MIDEAS: variants seen among roughly 807,000 people sequenced by gnomAD.
The protein encoded by MIDEAS is mitotic deacetylase associated SANT domain protein, also known as mitotic deacetylase-associated SANT domain protein.
Under a neutral mutation model 102.7 loss-of-function variants are expected in MIDEAS, and 26 were observed. The ratio of observed to expected loss-of-function variants is 0.25; its 90% CI spans 0.19 to 0.35. The LOEUF is 0.35. MIDEAS is among the 10% of genes least tolerant of loss of function. MIDEAS has a pLI of 1.00. For synonymous variants in MIDEAS, 585 were observed against 591.0 expected (o/e 0.99, Z 0.15); for missense variants, 1,231 against 1,435.6 (o/e 0.86, Z 2.30).
intron 1 of MIDEAS, among the ~76,000 whole-genome samples, chr14:73,756,280 G>GTT: frequency 1.1e-5 from 1 of 90,948 alleles, no homozygotes; most frequent in African/African-American, 4.4e-5. Context: ...GTGTGTGTGT[G>GTT]TGTGTGTGTG....
chr14:73,739,419 G>A lies in MIDEAS; in HGVS notation c.590C>T (p.Pro197Leu), dbSNP rs2053252844. ...CTTGGCTGCGTGGAAAGAATTCAGG[G>A]GTGCCTGGGGCCGCCCTACCTCCAG... ...VQLEVGRPQAPLNSFHAAKKP... is the reference protein window; with the variant it reads ...VQLEVGRPQALLNSFHAAKKP... Residue 197 changes from proline to leucine, a missense_variant, in exon 2 of 13, where the codon CCC becomes CTC. Transcript: ENST00000423556. 1 of 1,582,534 alleles carries A rather than the reference G, an allele frequency of 6.3e-7. No homozygotes were observed. Among genetic ancestry groups the A allele is most frequent in the Non-Finnish European group, 8.6e-7 (1 of 1,162,964 alleles).
rs561089661 is a variant in MIDEAS at position 73,781,851 on chromosome 14, G to T, written c.-248+5251C>A. Among the ~76,000 whole-genome samples, 4 of 152,062 alleles carry T rather than the reference G, an allele frequency of 2.6e-5. No individual in the cohort carries two copies. In the East Asian group the frequency reaches 7.7e-4, roughly 29 times the overall value. ...GCGGGTGGATCACCCGAAGTCAAGG[G>T]TTCAAGACCAGCCTGGCCAACATGG... is the stretch of plus-strand genomic sequence containing the variant. On this transcript the variant is annotated intron_variant, in intron 1 of 11. Transcript: ENST00000394071.
At chr14:73,743,542 C>A (rs1262087230) in intron 1 of MIDEAS, among the ~76,000 whole-genome samples, 2 of 152,144 alleles carry the variant, frequency 1.3e-5, no homozygotes, top group Non-Finnish European at 2.9e-5. Context: ...TTCTCCCAGC[C>A]TGCAACTCGG....
In MIDEAS at chr14:73,760,093, G is replaced by C. The variant is rs2053539836; in HGVS notation, c.-578C>G. On this transcript the variant is annotated 5_prime_UTR_variant, in exon 1 of 13. Coordinates refer to ENST00000423556, the MANE Select transcript of MIDEAS (RefSeq NM_001367710.1). The surrounding 1 kb of genome is among the most constrained non-coding windows in gnomAD (Gnocchi z 4.8). The stretch of plus-strand genomic sequence containing the variant: ...GTCACCCCCAGTCCTGCGATGCAGT[G>C]TCAGGATTGCACGGCTCTGACTCAT... The C allele has an allele frequency of 6.6e-6, 1 of 151,710 alleles. No homozygotes were observed. The highest frequency in any genetic ancestry group is 2.4e-5 in the African/African-American group (1 of 41,244). 9.4% of individuals were successfully genotyped at this position (151,710 alleles called of 1,614,324 possible). A position where few individuals can be genotyped will look rare whatever the true frequency, so the allele number is the denominator to read the frequency against.
At chr14:73,756,295 T>TGTGTGTGTGTGTGTGTGCGC (rs55692592) in intron 1 of MIDEAS, among the ~76,000 whole-genome samples, 123 of 127,706 alleles carry the variant, frequency 9.6e-4, no homozygotes, top group African/African-American at 3.0e-3. Context: ...TGTGTGTGTG[T>TGTGTGTGTGTGTGTGTGCGC]GCGCGCGCGC....
In MIDEAS at chr14:73,716,635, A is replaced by G. The variant is rs1409371743; in HGVS notation, c.*2208T>C. 1.4e-5 allele frequency: 2 copies of G among 146,704 alleles called. No individual in the cohort carries two copies. Among genetic ancestry groups the G allele is most frequent in the Admixed American group, 1.4e-4 (2 of 13,948 alleles). 9.1% of individuals were successfully genotyped at this position (146,704 alleles called of 1,614,324 possible). A position where few individuals can be genotyped will look rare whatever the true frequency, so the allele number is the denominator to read the frequency against. ...GAGGCGGAGGTTGCAGTGAGCCAAG[A>G]TCACACCACTGCACTCCAGCCTGGG... On this transcript the variant is annotated 3_prime_UTR_variant, in exon 13 of 13. Coordinates refer to ENST00000423556, the MANE Select transcript of MIDEAS (RefSeq NM_001367710.1).
Position 73,717,351 on chromosome 14 carries a change from CCTTTCA to C in MIDEAS, c.*1486_*1491del, listed in dbSNP as rs2052907354. On this transcript the variant is annotated 3_prime_UTR_variant, in exon 13 of 13. Coordinates refer to ENST00000423556, the MANE Select transcript of MIDEAS (RefSeq NM_001367710.1). ...GAAGGGGCCTCCAGAACCTCCTGGC[CCTTTCA>C]CTTCACCCATGCCAAATATGGCTTC... 6.6e-6 allele frequency: 1 copy of C among 152,200 alleles called. No homozygotes were observed. Among genetic ancestry groups the C allele is most frequent in the South Asian group, 2.1e-4 (1 of 4,828 alleles). The allele number at this position is 152,200 out of a possible 1,614,324, so 9.4% of individuals were successfully genotyped here.
chr14:73,730,173 A>G (rs1179184575), intron 3 of MIDEAS, 188 bp from the exon 4 acceptor site: 1 of 725,492 alleles, frequency 1.4e-6, no homozygotes, highest in Non-Finnish European at 2.5e-6. Flanking sequence ...AAGTCAGCAA[A>G]CTTTTTCTGT....
rs1210822410 is a variant in MIDEAS at position 73,759,003 on chromosome 14, C to G, written c.-248+760G>C. Among the ~76,000 whole-genome samples, 1 of 152,182 alleles carries G rather than the reference C, an allele frequency of 6.6e-6. No individual in the cohort carries two copies. The highest frequency in any genetic ancestry group is 1.5e-5 in the Non-Finnish European group (1 of 68,016). ...GCCGAATCCCGGGTTTCGGCGCTGC[C>G]GCCAGGCACCAGGGAACACAGCTCC... is the stretch of plus-strand genomic sequence containing the variant. On this transcript the variant is annotated intron_variant, in intron 1 of 12. Transcript: ENST00000423556. This position sits in a 1 kb window ranked among gnomAD's most constrained non-coding sequence, Gnocchi z 6.7.
upstream of MIDEAS, among the ~76,000 whole-genome samples, chr14:73,764,884 C>T (rs889774980): frequency 6.6e-6 from 1 of 152,218 alleles, no homozygotes; most frequent in Non-Finnish European, 1.5e-5. Flanking sequence ...TTCTGAGTGC[C>T]TTTGTCAGGC....
intron 1 of MIDEAS, among the ~76,000 whole-genome samples, chr14:73,767,970 G>A (rs141472800): frequency 2.2e-3 from 334 of 152,186 alleles, no homozygotes; most frequent in South Asian, 0.012. Flanking sequence ...ACCAGCCTGG[G>A]CCACATGGTG....
At chr14:73,776,940 G>A (rs568872364) in intron 1 of MIDEAS, among the ~76,000 whole-genome samples, 8 of 151,942 alleles carry the variant, frequency 5.3e-5, no homozygotes, top group South Asian at 4.2e-4. Flanking sequence ...GCGTGGTGGC[G>A]GGTGCCTGTA....
At chr14:73,737,559 A>G (rs2053218985) in intron 2 of MIDEAS, among the ~76,000 whole-genome samples, 1 of 151,976 alleles carries the variant, frequency 6.6e-6, no homozygotes, top group Non-Finnish European at 1.5e-5. Context: ...CCAGGAAGTT[A>G]AGGCTGCGGT....
chr14:73,752,659 C>CT (rs2053434811), intron 1 of MIDEAS, among the ~76,000 whole-genome samples: 1 of 152,196 alleles, frequency 6.6e-6, no homozygotes, highest in East Asian at 1.9e-4. Flanking sequence ...CACAGACAGA[C>CT]GCCCATTTGA....
chr14:73,788,756 T>C (rs2053842050), upstream of MIDEAS, among the ~76,000 whole-genome samples: 1 of 152,244 alleles, frequency 6.6e-6, no homozygotes, highest in Non-Finnish European at 1.5e-5. Flanking sequence ...CATTTCAATT[T>C]TGGAATAAAT....
rs1045716099 is a variant in MIDEAS at position 73,760,260 on chromosome 14, G to C, written c.-745C>G. ...CGCCCAGCGGCCGGCCGGCGCGCGC[G>C]GCACCGCGGCGAGCAGGAACCAGCT... On this transcript the variant is annotated 5_prime_UTR_variant, in exon 1 of 13. Coordinates refer to ENST00000423556, the MANE Select transcript of MIDEAS (RefSeq NM_001367710.1). This position sits in a 1 kb window ranked among gnomAD's most constrained non-coding sequence, Gnocchi z 4.8. 1.3e-5 allele frequency: 2 copies of C among 152,360 alleles called. No individual in the cohort carries two copies. Among genetic ancestry groups the C allele is most frequent in the South Asian group, 2.1e-4 (1 of 4,836 alleles). The allele number at this position is 152,360 out of a possible 1,614,324, so 9.4% of individuals were successfully genotyped here.
At chr14:73,721,596 A>T in intron 10 of MIDEAS, 87 bp from the exon 11 acceptor site, 1 of 1,209,172 alleles carries the variant, frequency 8.3e-7, no homozygotes, top group South Asian at 1.3e-5. Flanking sequence ...GGGGTTCACC[A>T]GCCCCAGCTA....
Position 73,742,968 on chromosome 14 carries a change from A to T in MIDEAS, c.-247-2713T>A, listed in dbSNP as rs1346694380. On this transcript the variant is annotated intron_variant, in intron 1 of 12. Coordinates refer to ENST00000423556, the MANE Select transcript of MIDEAS (RefSeq NM_001367710.1). The surrounding 1 kb of genome is among the most constrained non-coding windows in gnomAD (Gnocchi z 4.4). ...CTTTAAATTCCCACCATGGCCTTATAAGGCAGGAGTTGCGATTTTAACCTC... is the reference window on the plus strand; with the variant it reads ...CTTTAAATTCCCACCATGGCCTTATTAGGCAGGAGTTGCGATTTTAACCTC... 6.6e-6 allele frequency among the ~76,000 whole-genome samples: 1 copy of T among 152,098 alleles called. No homozygotes were observed. Among genetic ancestry groups the T allele is most frequent in the Non-Finnish European group, 1.5e-5 (1 of 68,004 alleles).
upstream of MIDEAS, among the ~76,000 whole-genome samples, chr14:73,764,042 T>C (rs533240493): frequency 6.6e-6 from 1 of 152,268 alleles, no homozygotes; most frequent in South Asian, 2.1e-4. Context: ...TATCCCTTCT[T>C]AAGAACCTAG....
Sources: gnomAD v4.1 joint callset for allele counts (sites outside exome capture counted in the v4.1 genomes callset) on GRCh38, gnomAD v4.1.1 for gene constraint, Gnocchi (gnomAD v3.1) non-coding constraint, MANE v1.5 for transcripts, NCBI Gene and HGNC (gene_info 2026-07-23, HGNC 2026-07-21) for gene names.